FGF12: variants seen among roughly 807,000 people sequenced by gnomAD.
FGF12 encodes fibroblast growth factor 12, also known as fibroblast growth factor 12B.
FGF12 carries 14 observed loss-of-function variants against 23.6 expected under a neutral mutation model. The observed-to-expected ratio is 0.59, with a 90% CI of 0.39 to 0.93. The LOEUF is 0.93. Among genes scored for constraint, FGF12 ranks in the 40% least tolerant of loss-of-function variants. FGF12 has a pLI of 0.00. For missense variants in FGF12, 175 were observed against 217.8 expected (o/e 0.80, Z 1.24); for synonymous variants, 62 against 77.3 (o/e 0.80, Z 1.04).
chr3:192,419,051 A>G (rs1721441680), intron 2 of FGF12, among the ~76,000 whole-genome samples: 1 of 152,194 alleles, frequency 6.6e-6, no homozygotes, highest in Non-Finnish European at 1.5e-5. Context: ...TTACAGTGGG[A>G]AAGCTAAAAG....
chr3:192,694,689 T>C (rs1718057931), intron 2 of FGF12, among the ~76,000 whole-genome samples: 2 of 151,708 alleles, frequency 1.3e-5, no homozygotes, highest in South Asian at 2.1e-4. Flanking sequence ...AGTAAAATAG[T>C]ATACAGCCTT....
At chr3:192,496,872 G>T (rs2173917) in intron 2 of FGF12, among the ~76,000 whole-genome samples, 137,337 of 152,242 alleles carry the variant, frequency 0.9, 62,000 homozygotes, top group African/African-American at 0.93. Context: ...CTCCTTCTGG[G>T]TTTTTGGTAG....
intron 4 of FGF12, among the ~76,000 whole-genome samples, chr3:192,203,566 C>CTT (rs3071810): frequency 0.061 from 7,989 of 130,332 alleles, 764 homozygotes; most frequent in African/African-American, 0.19. Flanking sequence ...TTTTTCTTTA[C>CTT]TTTTTTTTTT....
At chr3:192,704,815 T>C (rs1465311431) in intron 2 of FGF12, among the ~76,000 whole-genome samples, 1 of 152,250 alleles carries the variant, frequency 6.6e-6, no homozygotes, top group African/African-American at 2.4e-5. Flanking sequence ...TAGATATTTT[T>C]GTATAACTTG....
At chr3:192,282,379 C>T (rs1244783558) in intron 4 of FGF12, among the ~76,000 whole-genome samples, 1 of 152,030 alleles carries the variant, frequency 6.6e-6, no homozygotes, top group African/African-American at 2.4e-5. Flanking sequence ...CAACATGCCC[C>T]CTTATTACTC....
At chr3:192,379,263 T>C (rs181442473) in intron 2 of FGF12, among the ~76,000 whole-genome samples, 1 of 152,270 alleles carries the variant, frequency 6.6e-6, no homozygotes, top group East Asian at 1.9e-4. Flanking sequence ...GTGTGATAAA[T>C]ACATGTGTAT....
chr3:192,387,011 A>G (rs1369164012), intron 2 of FGF12, among the ~76,000 whole-genome samples: 1 of 152,250 alleles, frequency 6.6e-6, no homozygotes, highest in East Asian at 1.9e-4. Flanking sequence ...ACATTGTACA[A>G]TATAAATAAC....
chr3:192,448,068 T>G (rs561275149), intron 2 of FGF12, among the ~76,000 whole-genome samples: 1 of 151,518 alleles, frequency 6.6e-6, no homozygotes, highest in Admixed American at 6.5e-5. Flanking sequence ...TTCTTCAAAG[T>G]ATTTTCATAT....
chr3:192,675,157 G>T (rs1039613845), intron 2 of FGF12, among the ~76,000 whole-genome samples: 1 of 152,196 alleles, frequency 6.6e-6, no homozygotes. Context: ...ACTAAAGCCT[G>T]TAGATGGCCT....
At chr3:192,304,200 T>G (rs1715495478) in intron 4 of FGF12, among the ~76,000 whole-genome samples, 2 of 152,156 alleles carry the variant, frequency 1.3e-5, no homozygotes, top group Non-Finnish European at 2.9e-5. Context: ...CAAAAACACA[T>G]GTATCCAAGG....
At chr3:192,569,959 A>G (rs755950570) in intron 2 of FGF12, among the ~76,000 whole-genome samples, 1 of 152,226 alleles carries the variant, frequency 6.6e-6, no homozygotes, top group Non-Finnish European at 1.5e-5. Context: ...AATTTTTGGA[A>G]GAGAAAAGAT....
intron 2 of FGF12, among the ~76,000 whole-genome samples, chr3:192,431,156 A>G (rs1323546436): frequency 1.3e-5 from 2 of 152,174 alleles, no homozygotes; most frequent in East Asian, 3.9e-4. Context: ...TACTTGGATC[A>G]CTCTAACAAA....
At chr3:192,216,544 G>A (rs918233742) in intron 4 of FGF12, among the ~76,000 whole-genome samples, 4 of 152,086 alleles carry the variant, frequency 2.6e-5, no homozygotes, top group South Asian at 2.1e-4. Context: ...TTTTTATAAC[G>A]TGTAATAAAC....
intron 3 of FGF12, among the ~76,000 whole-genome samples, chr3:192,342,664 T>C (rs1717751531): frequency 6.6e-6 from 1 of 152,000 alleles, no homozygotes; most frequent in Non-Finnish European, 1.5e-5. Context: ...TGGTCCCAGC[T>C]ACTTGGGAGG....
chr3:192,305,674 A>AT (rs1560061677), intron 4 of FGF12, among the ~76,000 whole-genome samples: 13 of 125,978 alleles, frequency 1.0e-4, no homozygotes, highest in East Asian at 8.7e-4. Context: ...AGGAAAAAAA[A>AT]AAAAAATATA....
At chr3:192,654,037 T>C (rs767928541) in intron 2 of FGF12, among the ~76,000 whole-genome samples, 28 of 152,212 alleles carry the variant, frequency 1.8e-4, no homozygotes, top group Non-Finnish European at 3.2e-4. Flanking sequence ...CATTTGAAGC[T>C]TCTTAAGGTG....
At chr3:192,468,779 TC>T (rs34203838) in intron 2 of FGF12, among the ~76,000 whole-genome samples, 1 of 152,130 alleles carries the variant, frequency 6.6e-6, no homozygotes, top group Non-Finnish European at 1.5e-5. Context: ...CTCAAAAACT[TC>T]CCCCTGATTT....
intron 2 of FGF12, among the ~76,000 whole-genome samples, chr3:192,374,228 ATC>A (rs1482523059): frequency 2.0e-5 from 3 of 152,196 alleles, no homozygotes; most frequent in African/African-American, 7.2e-5. Flanking sequence ...TAATTTTAGA[ATC>A]TCTGTGTTTT....
rs141536853 is a variant in FGF12, at chr3:192,558,297, T to C, written c.13+168884A>G. ...TTCTATACACTAATACCAAATAATT[T>C]GAAAAAGAAATTAAGAAAATAATTC... On this transcript the variant is annotated intron_variant, in intron 2 of 5. Coordinates refer to ENST00000445105, the MANE Select transcript of FGF12 (RefSeq NM_004113.6). Among the ~76,000 whole-genome samples the C allele has an allele frequency of 3.8e-3, 581 of 151,812 alleles. 3 individuals are homozygous for C. Among genetic ancestry groups the C allele is most frequent in the African/African-American group, 0.014 (563 of 41,494 alleles).
Sources: allele counts gnomAD v4.1 joint callset (sites outside exome capture counted in the v4.1 genomes callset), GRCh38; gene constraint gnomAD v4.1.1; transcripts MANE v1.5; gene names NCBI Gene and HGNC (gene_info 2026-07-23, HGNC 2026-07-21).